Variants in COL5A2 observed in about 807,000 individuals in gnomAD.
COL5A2 encodes collagen type V alpha 2 chain, also known as collagen alpha-2(V) chain.
In COL5A2, 23 loss-of-function variants were observed where a neutral mutation model predicts 208.2. The observed-to-expected ratio is 0.11, with a 90% CI of 0.08 to 0.16. The LOEUF is 0.16. Among genes scored for constraint, COL5A2 ranks in the 10% least tolerant of loss-of-function variants. The pLI is 1.00. For missense variants in COL5A2, 1,590 were observed against 1,956.4 expected (o/e 0.81, Z 3.53); for synonymous variants, 625 against 628.5 (o/e 0.99, Z 0.08).
At chr2:189,181,079 G>T (rs1688773146), upstream of COL5A2, among the ~76,000 whole-genome samples, 1 of 152,128 alleles carries the variant, frequency 6.6e-6, no homozygotes, top group Non-Finnish European at 1.5e-5. Flanking sequence ...AAGAAATAAA[G>T]ATATATAAGC....
chr2:189,384,226 AGATACCTCTTT>A, the COL5A2 span, among the ~76,000 whole-genome samples: 1 of 152,166 alleles, frequency 6.6e-6, no homozygotes, highest in Admixed American at 6.5e-5. Context: ...ATGAGAGTTC[AGATACCTCTTT>A]GATACCTATT....
chr2:189,347,059 TCTCA>T, the COL5A2 span, among the ~76,000 whole-genome samples: 1 of 152,104 alleles, frequency 6.6e-6, no homozygotes. Context: ...TAACTTCAAG[TCTCA>T]CTCCAATACT....
chr2:189,333,293 G>A, the COL5A2 span, among the ~76,000 whole-genome samples: 16 of 152,052 alleles, frequency 1.1e-4, no homozygotes, highest in Admixed American at 1.0e-3. Flanking sequence ...AAAGATTAAT[G>A]AAATTGCTAA....
chr2:189,292,276 G>A, the COL5A2 span, among the ~76,000 whole-genome samples: 4 of 152,150 alleles, frequency 2.6e-5, no homozygotes, highest in African/African-American at 2.4e-5. Flanking sequence ...ATTGGCTCAT[G>A]ATTAACATCT....
intron 1 of COL5A2, among the ~76,000 whole-genome samples, chr2:189,198,616 G>A (rs1689035357): frequency 6.6e-6 from 1 of 152,098 alleles, no homozygotes. Flanking sequence ...CTTCATTACT[G>A]ATATACCTGA....
chr2:189,148,076 A>G (rs1688074562), intron 1 of COL5A2, among the ~76,000 whole-genome samples: 1 of 152,156 alleles, frequency 6.6e-6, no homozygotes, highest in African/African-American at 2.4e-5. Flanking sequence ...TTTGTGGAAA[A>G]TGCACTTGCA....
chr2:189,378,313 C>T, the COL5A2 span, among the ~76,000 whole-genome samples: 1 of 152,020 alleles, frequency 6.6e-6, no homozygotes, highest in Non-Finnish European at 1.5e-5. Flanking sequence ...AAGGTAAATA[C>T]ATAATTTGTA....
At chr2:189,104,534 A>T (rs1306147376) in intron 2 of COL5A2, among the ~76,000 whole-genome samples, 2 of 152,006 alleles carry the variant, frequency 1.3e-5, no homozygotes, top group African/African-American at 4.8e-5. Flanking sequence ...AGTTCATTAA[A>T]TTATTAAATT....
At chr2:189,414,776 A>AAAAAAAAG in the COL5A2 span, among the ~76,000 whole-genome samples, 1 of 133,142 alleles carries the variant, frequency 7.5e-6, no homozygotes, top group Non-Finnish European at 1.6e-5. Flanking sequence ...AAAAAAAAAA[A>AAAAAAAAG]GAATGTTTCC....
chr2:189,334,212 G>T, the COL5A2 span, among the ~76,000 whole-genome samples: 3 of 151,910 alleles, frequency 2.0e-5, 1 homozygote, highest in Non-Finnish European at 4.4e-5. Context: ...GAACAAGGTA[G>T]GGTGTCTTCC....
chr2:189,437,581 A>G, the COL5A2 span, among the ~76,000 whole-genome samples: 1,339 of 152,344 alleles, frequency 8.8e-3, 20 homozygotes, highest in African/African-American at 0.03. Context: ...AGAACTGTTA[A>G]CCTTAAATGG....
the COL5A2 span, among the ~76,000 whole-genome samples, chr2:189,360,350 T>C: frequency 6.6e-6 from 1 of 152,154 alleles, no homozygotes; most frequent in Non-Finnish European, 1.5e-5. Flanking sequence ...AACCAGTAAA[T>C]AGCAGTTTCA....
chr2:189,143,984 C>T lies in COL5A2; in HGVS notation c.98-33535G>A, dbSNP rs558206176. ...GTAATGAAGATTAATATATTGAGAT[C>T]GCCAGGGTAGAATTTTAAGTTCAAT... On this transcript the variant is annotated intron_variant, in intron 1 of 53. Coordinates refer to ENST00000374866, the MANE Select transcript of COL5A2 (RefSeq NM_000393.5). 2.6e-5 allele frequency among the ~76,000 whole-genome samples: 4 copies of T among 152,076 alleles called. No homozygotes were observed. The East Asian group carries it at 5.8e-4, about 22-fold the overall frequency.
chr2:189,406,161 C>T, the COL5A2 span, among the ~76,000 whole-genome samples: 1 of 151,970 alleles, frequency 6.6e-6, no homozygotes, highest in Non-Finnish European at 1.5e-5. Flanking sequence ...AAATAAGTTC[C>T]AAGTAACAGA....
intron 1 of COL5A2, among the ~76,000 whole-genome samples, chr2:189,204,553 C>T (rs1004571686): frequency 9.9e-5 from 15 of 152,198 alleles, no homozygotes; most frequent in South Asian, 2.1e-4. Context: ...GTCTTACATA[C>T]ACTTTCGAAC....
chr2:189,036,866 A>C (rs888146114), intron 51 of COL5A2, 63 bp from the exon 52 acceptor site: 21 of 1,253,180 alleles, frequency 1.7e-5, no homozygotes, highest in Admixed American at 1.2e-4. Context: ...ATAAGTCTCC[A>C]AAAGAATTAA....
At chr2:189,288,134 CAT>C in the COL5A2 span, among the ~76,000 whole-genome samples, 1 of 151,900 alleles carries the variant, frequency 6.6e-6, no homozygotes, top group Admixed American at 6.6e-5. Context: ...TATCTGAATA[CAT>C]GAGTCAAAGC....
In COL5A2 at chr2:189,110,367, C is replaced by G; in HGVS notation, c.180G>C (p.Gln60His). 1 of 1,614,166 alleles carries G rather than the reference C, an allele frequency of 6.2e-7. No individual in the cohort carries two copies. The highest frequency in any genetic ancestry group is 8.5e-7 in the Non-Finnish European group (1 of 1,180,004). ...TGGCTCCATTGTCACAGACACAGAT[C>G]TGACAAGGGGCAGGTTTCCAAATGT... ...NRDIWKPAPC[Q>H]ICVCDNGAIL... The change falls in exon 2 of 54, where the codon CAG becomes CAC. Residue 60 changes from glutamine to histidine, a missense_variant. Coordinates refer to ENST00000374866, the MANE Select transcript of COL5A2 (RefSeq NM_000393.5).
At chr2:189,350,992 A>G in the COL5A2 span, among the ~76,000 whole-genome samples, 1 of 152,224 alleles carries the variant, frequency 6.6e-6, no homozygotes, top group South Asian at 2.1e-4. Context: ...AACCCTGGCT[A>G]ATATCAGAAT....
Sources: allele counts gnomAD v4.1 joint callset (sites outside exome capture counted in the v4.1 genomes callset), GRCh38; gene constraint gnomAD v4.1.1; transcripts MANE v1.5; gene names NCBI Gene and HGNC (gene_info 2026-07-23, HGNC 2026-07-21).